TDRD7: variants seen among roughly 807,000 people sequenced by gnomAD.
TDRD7 encodes tudor domain containing 7.
Under a neutral mutation model 109.8 loss-of-function variants are expected in TDRD7, and 47 were observed. The observed-to-expected ratio is 0.43, with a 90% CI of 0.34 to 0.55. The LOEUF (loss-of-function observed/expected upper bound fraction) is 0.55, where lower values mean the gene tolerates loss of function less well. Ranked by LOEUF, TDRD7 falls within the 20% of genes least tolerant of loss-of-function variation. The pLI is 0.03. For synonymous variants in TDRD7, 424 were observed against 457.3 expected (o/e 0.93, Z 0.93); for missense variants, 1,164 against 1,319.2 (o/e 0.88, Z 1.82).
intron 4 of TDRD7, among the ~76,000 whole-genome samples, chr9:97,437,438 A>G (rs191160139): frequency 1.1e-3 from 168 of 152,322 alleles, no homozygotes; most frequent in Non-Finnish European, 1.7e-3. Flanking sequence ...TGCTTCATCA[A>G]AGCAACAAAG....
chr9:97,446,309 T>G (rs796582763), intron 6 of TDRD7, among the ~76,000 whole-genome samples: 79 of 152,296 alleles, frequency 5.2e-4, no homozygotes, highest in African/African-American at 1.8e-3. Flanking sequence ...CTAGATGCAC[T>G]CAGCTAAGGA....
rs1444179129 is a variant in TDRD7 at position 97,483,158 on chromosome 9, T to C, written c.2722T>C (p.Ser908Pro). 6 of 1,614,196 alleles carry C rather than the reference T, an allele frequency of 3.7e-6. No homozygotes were observed. The highest frequency in any genetic ancestry group is 1.7e-5 in the Admixed American group (1 of 60,008). ...GGAACTGCCACCTCCTGTCCACTTA[T>C]CAAAGCCAGGGGAACACATGGATGT... ...TEELPPPVHL[S>P]KPGEHMDVYV... Residue 908 changes from serine (S) to proline (P), a missense_variant, in exon 15 of 17, where the codon TCA becomes CCA. Transcript: ENST00000355295.
intron 1 of TDRD7, among the ~76,000 whole-genome samples, chr9:97,421,544 G>C (rs902905094): frequency 3.3e-5 from 5 of 152,084 alleles, no homozygotes; most frequent in Non-Finnish European, 5.9e-5. Context: ...AACAGCTTTT[G>C]GAAGAGCAGA....
chr9:97,447,671 G>C (rs1222034814), intron 6 of TDRD7, among the ~76,000 whole-genome samples: 3 of 152,116 alleles, frequency 2.0e-5, no homozygotes, highest in Non-Finnish European at 4.4e-5. Flanking sequence ...TCCATGAATG[G>C]ATCCCAGTCC....
intron 11 of TDRD7, among the ~76,000 whole-genome samples, chr9:97,473,858 A>G (rs1428139082): frequency 6.6e-6 from 1 of 152,208 alleles, no homozygotes; most frequent in Non-Finnish European, 1.5e-5. Context: ...TGTACCCTAT[A>G]GGATTGTCCT....
chr9:97,445,394 T>G (rs908233793), intron 6 of TDRD7, among the ~76,000 whole-genome samples: 4 of 152,206 alleles, frequency 2.6e-5, no homozygotes, highest in Admixed American at 6.5e-5. Flanking sequence ...TATGGAACTT[T>G]CTGTCCAATG....
chr9:97,428,038 A>G (rs1828031518), intron 1 of TDRD7, among the ~76,000 whole-genome samples: 1 of 152,132 alleles, frequency 6.6e-6, no homozygotes, highest in Admixed American at 6.5e-5. Flanking sequence ...AGTCACGTCC[A>G]GCCACCTAAC....
chr9:97,448,878 T>C (rs1431199530), intron 6 of TDRD7, among the ~76,000 whole-genome samples: 1 of 152,226 alleles, frequency 6.6e-6, no homozygotes, highest in Admixed American at 6.5e-5. Flanking sequence ...AATTCTGTTA[T>C]AGAACCCTAA....
intron 1 of TDRD7, among the ~76,000 whole-genome samples, chr9:97,422,954 T>G (rs1827923269): frequency 6.6e-6 from 1 of 152,230 alleles, no homozygotes; most frequent in South Asian, 2.1e-4. Context: ...TTAAGAATTT[T>G]TGCATTTATG....
At chr9:97,446,376 A>C (rs900511369) in intron 6 of TDRD7, among the ~76,000 whole-genome samples, 9 of 152,314 alleles carry the variant, frequency 5.9e-5, no homozygotes, top group Non-Finnish European at 1.3e-4. Flanking sequence ...GTAGCTGGGA[A>C]ACATTCTATG....
intron 11 of TDRD7, 74 bp downstream of exon 11, chr9:97,473,700 A>C (rs1828961739): frequency 1.2e-5 from 20 of 1,600,492 alleles, no homozygotes; most frequent in Non-Finnish European, 1.6e-5. Context: ...AAATTGCATA[A>C]GTATGAACAA....
At chr9:97,484,028 A>G (rs1175392828) in intron 15 of TDRD7, among the ~76,000 whole-genome samples, 1 of 152,170 alleles carries the variant, frequency 6.6e-6, no homozygotes, top group East Asian at 1.9e-4. Context: ...TAGTGAATGT[A>G]AATCTTTGCA....
rs948696269 is a variant in TDRD7, at chr9:97,412,665, C to G, written c.-7+427C>G. Among the ~76,000 whole-genome samples, 1 of 152,238 alleles carries G rather than the reference C, an allele frequency of 6.6e-6. No individual in the cohort carries two copies. The highest frequency in any genetic ancestry group is 6.5e-5 in the Admixed American group (1 of 15,288). ...CCGCCCCCAGCGAGGGATGTCCGCG[C>G]TCCCCTATTTGAACCCAAGTATTTT... On this transcript the variant is annotated intron_variant, in intron 1 of 16. Transcript: ENST00000355295. This position sits in a 1 kb window ranked among gnomAD's most constrained non-coding sequence, Gnocchi z 4.3.
At chr9:97,414,034 T>C (rs1827770888) in intron 1 of TDRD7, among the ~76,000 whole-genome samples, 1 of 152,242 alleles carries the variant, frequency 6.6e-6, no homozygotes, top group Non-Finnish European at 1.5e-5. Flanking sequence ...TTTGTGTTTG[T>C]CAAGTGCTGT....
At chr9:97,416,012 C>G (rs1482438274) in intron 1 of TDRD7, among the ~76,000 whole-genome samples, 2 of 152,090 alleles carry the variant, frequency 1.3e-5, no homozygotes, top group Non-Finnish European at 2.9e-5. Flanking sequence ...CGTTCACTGC[C>G]TGAAGTGATG....
chr9:97,457,052 A>G (rs1406240044), intron 6 of TDRD7, among the ~76,000 whole-genome samples: 2 of 152,242 alleles, frequency 1.3e-5, no homozygotes, highest in Non-Finnish European at 1.5e-5. Flanking sequence ...TACACAGCCA[A>G]CAAACATGAA....
Position 97,473,639 on chromosome 9 carries a change from C to G in TDRD7, c.2079+13C>G, listed in dbSNP as rs776791421. ...CTTCCATTGCAAGGTATAGCAGAAC[C>G]TCTTCTACCTCTAAAATTAGCCCTA... On this transcript the variant is annotated intron_variant, in intron 11 of 16. Coordinates refer to ENST00000355295, the MANE Select transcript of TDRD7 (RefSeq NM_014290.3). The G allele has an allele frequency of 4.3e-6, 7 of 1,613,438 alleles. No homozygotes were observed. The highest frequency in any genetic ancestry group is 5.9e-6 in the Non-Finnish European group (7 of 1,179,604).
At chr9:97,476,409 T>C (rs1207011920) in intron 12 of TDRD7, among the ~76,000 whole-genome samples, 1 of 152,074 alleles carries the variant, frequency 6.6e-6, no homozygotes, top group African/African-American at 2.4e-5. Flanking sequence ...TGGATTTTTG[T>C]GATTGCTTTC....
chr9:97,438,759 T>A (rs994854890), intron 4 of TDRD7, among the ~76,000 whole-genome samples: 1 of 152,182 alleles, frequency 6.6e-6, no homozygotes, highest in Non-Finnish European at 1.5e-5. Context: ...CCACTTTCAT[T>A]ATGTACCAAG....
Sources: gnomAD v4.1 joint callset for allele counts (sites outside exome capture counted in the v4.1 genomes callset) on GRCh38, gnomAD v4.1.1 for gene constraint, Gnocchi (gnomAD v3.1) non-coding constraint, MANE v1.5 for transcripts, NCBI Gene and HGNC (gene_info 2026-07-23, HGNC 2026-07-21) for gene names.